Variants in FBXW7 observed in about 807,000 individuals in gnomAD.
The protein encoded by FBXW7 is F-box/WD repeat-containing protein 7.
In FBXW7, 11 loss-of-function variants were observed where a neutral mutation model predicts 86.3. The ratio of observed to expected loss-of-function variants is 0.13; its 90% confidence interval spans 0.08 to 0.21. The LOEUF is 0.21. Among genes scored for constraint, FBXW7 ranks in the 10% least tolerant of loss-of-function variants. FBXW7 has a pLI of 1.00. For synonymous variants in FBXW7, 313 were observed against 297.9 expected, an observed-to-expected ratio of 1.05 and a Z score of -0.52; for missense variants, 488 against 847.4, an observed-to-expected ratio of 0.58 and a Z score of 5.27.
At chr4:152,446,700 A>G (rs1741435070) in intron 2 of FBXW7, among the ~76,000 whole-genome samples, 1 of 152,092 alleles carries the variant, frequency 6.6e-6, no homozygotes, top group Admixed American at 6.6e-5. Context: ...TTATCTTTCT[A>G]ACTTTTATAA....
chr4:152,367,404 G>A (rs1362899918), intron 4 of FBXW7, among the ~76,000 whole-genome samples: 2 of 151,970 alleles, frequency 1.3e-5, no homozygotes, highest in East Asian at 3.9e-4. Context: ...ACACAAAATT[G>A]CCTAGCTTTA....
At chr4:152,349,129 T>TA (rs1200161257) in intron 5 of FBXW7, among the ~76,000 whole-genome samples, 1 of 151,982 alleles carries the variant, frequency 6.6e-6, no homozygotes, top group Non-Finnish European at 1.5e-5. Flanking sequence ...CAATGTTCAA[T>TA]AAAAAAATTA....
intron 2 of FBXW7, among the ~76,000 whole-genome samples, chr4:152,515,416 T>C (rs1190090855): frequency 1.3e-5 from 2 of 152,174 alleles, no homozygotes; most frequent in Non-Finnish European, 2.9e-5. Flanking sequence ...ATATAAATTA[T>C]ATCTCAATAA....
intron 2 of FBXW7, among the ~76,000 whole-genome samples, chr4:152,451,036 T>A (rs1011422594): frequency 6.6e-6 from 1 of 152,206 alleles, no homozygotes; most frequent in African/African-American, 2.4e-5. Context: ...TGATGTATAG[T>A]ATTGTTGATT....
chr4:152,432,355 A>G lies in FBXW7; in HGVS notation c.-119-19826T>C, dbSNP rs530809297. Reference sequence around the variant, plus strand: ...AAAGAAGACAAGAGCATTCTTCAACATGGAACAGACTCACAGTAGGAGAGT... The same window carrying G: ...AAAGAAGACAAGAGCATTCTTCAACGTGGAACAGACTCACAGTAGGAGAGT... On this transcript the variant is annotated intron_variant, in intron 2 of 13. Transcript: ENST00000281708. 9.2e-5 allele frequency among the ~76,000 whole-genome samples: 14 copies of G among 152,334 alleles called. No homozygotes were observed. The South Asian group carries it at 2.9e-3, about 32-fold the overall frequency.
chr4:152,502,538 C>T (rs970362623), intron 2 of FBXW7, among the ~76,000 whole-genome samples: 1 of 151,826 alleles, frequency 6.6e-6, no homozygotes, highest in Admixed American at 6.6e-5. Context: ...GTAACTCAAT[C>T]GCAATACTTT....
chr4:152,423,319 A>G (rs987433028), intron 2 of FBXW7, among the ~76,000 whole-genome samples: 2 of 152,224 alleles, frequency 1.3e-5, no homozygotes, highest in Admixed American at 1.3e-4. Flanking sequence ...GACCACTTAG[A>G]AAAGTTGGTA....
intron 4 of FBXW7, among the ~76,000 whole-genome samples, chr4:152,399,299 G>A (rs1736705525): frequency 6.6e-6 from 1 of 152,116 alleles, no homozygotes; most frequent in Non-Finnish European, 1.5e-5. Flanking sequence ...AGCAAACTAG[G>A]AATAGAGGGG....
chr4:152,385,845 TA>T (rs1427551699), intron 4 of FBXW7, among the ~76,000 whole-genome samples: 1 of 152,076 alleles, frequency 6.6e-6, no homozygotes, highest in Non-Finnish European at 1.5e-5. Context: ...GTGTTTGTCA[TA>T]ATATATTTTT....
chr4:152,337,618 A>C lies in FBXW7; in HGVS notation c.861+184T>G, dbSNP rs924739414. On this transcript the variant is annotated intron_variant, in intron 7 of 13. Coordinates refer to ENST00000281708, the MANE Select transcript of FBXW7 (RefSeq NM_001349798.2). ...GTTACTTAGTTCACATGCATTCTTTAATCTGACAATTACATTATTAAGTCA... is the reference window on the plus strand; with the variant it reads ...GTTACTTAGTTCACATGCATTCTTTCATCTGACAATTACATTATTAAGTCA... 7 of 522,372 alleles carry C rather than the reference A, an allele frequency of 1.3e-5. No individual in the cohort carries two copies. The African/African-American group carries it at 1.4e-4, about 10-fold the overall frequency. The allele number at this position is 522,372 out of a possible 1,614,324, so 32.4% of individuals were successfully genotyped here.
At chr4:152,374,162 C>T (rs1196486902) in intron 4 of FBXW7, among the ~76,000 whole-genome samples, 1 of 151,804 alleles carries the variant, frequency 6.6e-6, no homozygotes, top group Non-Finnish European at 1.5e-5. Context: ...AAAAACAAAA[C>T]AAACCAAAAA....
At chr4:152,474,907 G>A (rs1042314496) in intron 2 of FBXW7, among the ~76,000 whole-genome samples, 10 of 152,078 alleles carry the variant, frequency 6.6e-5, no homozygotes, top group African/African-American at 2.2e-4. Flanking sequence ...CTCATGATCC[G>A]CCCGTCTTGG....
At chr4:152,474,278 T>C (rs1180311715) in intron 2 of FBXW7, among the ~76,000 whole-genome samples, 1 of 152,250 alleles carries the variant, frequency 6.6e-6, no homozygotes, top group Non-Finnish European at 1.5e-5. Context: ...GTAAGTCTAA[T>C]GAAGACTGCT....
intron 2 of FBXW7, among the ~76,000 whole-genome samples, chr4:152,432,300 C>T (rs1163484496): frequency 6.6e-5 from 10 of 152,062 alleles, no homozygotes; most frequent in Non-Finnish European, 1.2e-4. Flanking sequence ...GATATTAGAA[C>T]AGGGAAGTCC....
chr4:152,370,832 A>G (rs557261172), intron 4 of FBXW7, among the ~76,000 whole-genome samples: 1 of 151,354 alleles, frequency 6.6e-6, no homozygotes, highest in Non-Finnish European at 1.5e-5. Context: ...ATATTTGAGA[A>G]AGACTCACTG....
chr4:152,326,343 T>G (rs1313505042), intron 11 of FBXW7, 112 bp from the exon 12 acceptor site: 1 of 833,950 alleles, frequency 1.2e-6, no homozygotes, highest in Middle Eastern at 2.5e-4. Flanking sequence ...GCTTTTTTTT[T>G]TTTTTTTTTA....
chr4:152,329,056 T>C (rs760736562), intron 10 of FBXW7: 1 of 151,928 alleles, frequency 6.6e-6, no homozygotes, highest in Admixed American at 6.6e-5. Context: ...TAGGTGGCAA[T>C]TACTTAATTC....
chr4:152,524,081 A>G (rs932283210), intron 2 of FBXW7, among the ~76,000 whole-genome samples: 1 of 152,200 alleles, frequency 6.6e-6, no homozygotes, highest in Non-Finnish European at 1.5e-5. Flanking sequence ...AGCAGCTAAC[A>G]TTTACTGGAT....
At chr4:152,467,239 A>G (rs909174553) in intron 2 of FBXW7, among the ~76,000 whole-genome samples, 2 of 152,138 alleles carry the variant, frequency 1.3e-5, no homozygotes, top group Non-Finnish European at 2.9e-5. Flanking sequence ...TTCTCATAAT[A>G]GTGACTGAGT....
Sources: allele counts gnomAD v4.1 joint callset (sites outside exome capture counted in the v4.1 genomes callset), GRCh38; gene constraint gnomAD v4.1.1; transcripts MANE v1.5; gene names NCBI Gene and HGNC (gene_info 2026-07-23, HGNC 2026-07-21).